The following SUSD4 variants were observed in gnomAD, a reference collection of about 807,000 sequenced individuals.
SUSD4 encodes sushi domain containing 4, also known as sushi domain-containing protein 4.
Under a neutral mutation model 50.5 loss-of-function variants are expected in SUSD4, and 41 were observed. The ratio of observed to expected loss-of-function variants is 0.81; its 90% CI spans 0.63 to 1.05. The LOEUF (loss-of-function observed/expected upper bound fraction) is 1.05. Ranked by LOEUF, SUSD4 falls within the 50% of genes least tolerant of loss-of-function variation. The probability of loss-of-function intolerance (pLI) is 0.00; values close to 1 mark genes in which losing one functional copy is unlikely to be tolerated. For missense variants in SUSD4, 580 were observed against 634.7 expected, an observed-to-expected ratio of 0.91 and a Z score of 0.93; for synonymous variants, 257 against 257.3, an observed-to-expected ratio of 1.00 and a Z score of 0.01.
At chr1:223,236,513 A>G (rs1337403226) in intron 5 of SUSD4, among the ~76,000 whole-genome samples, 1 of 150,926 alleles carries the variant, frequency 6.6e-6, no homozygotes, top group African/African-American at 2.4e-5. Context: ...ATTTTGAGTT[A>G]ATTTTATGGA....
At chr1:223,344,589 C>T (rs1158395513) in intron 2 of SUSD4, among the ~76,000 whole-genome samples, 1 of 152,038 alleles carries the variant, frequency 6.6e-6, no homozygotes, top group Non-Finnish European at 1.5e-5. Flanking sequence ...CTGCCAAGGA[C>T]AATGTTCGCT....
chr1:223,243,217 T>C (rs1660702642), intron 5 of SUSD4, among the ~76,000 whole-genome samples: 1 of 152,134 alleles, frequency 6.6e-6, no homozygotes, highest in South Asian at 2.1e-4. Flanking sequence ...AGAAGCTGCC[T>C]CGCTCCAGGG....
At chr1:223,252,437 GA>G (rs1249084493) in intron 5 of SUSD4, among the ~76,000 whole-genome samples, 1 of 151,606 alleles carries the variant, frequency 6.6e-6, no homozygotes, top group East Asian at 2.0e-4. Flanking sequence ...AGGGACAGTA[GA>G]GTCCCCCACA....
chr1:223,362,508 T>G (rs1669041467), intron 2 of SUSD4, among the ~76,000 whole-genome samples: 1 of 152,310 alleles, frequency 6.6e-6, no homozygotes, highest in East Asian at 1.9e-4. Context: ...TCCATCTGTC[T>G]TCCTCTACCA....
In SUSD4 at chr1:223,268,647, A is replaced by C. The variant is rs1358004054; in HGVS notation, c.390T>G (p.Ala130=). ...EDCRIPQIED[A]EIHNKTYRHG... is the part of the protein sequence containing the mutation. ...GTCTATATGTCTTGTTATGAATCTC[A>C]GCATCTTCGATTTGAGGGATACGGC... is the stretch of plus-strand genomic sequence containing the variant. Residue 130 remains alanine, a synonymous_variant, in exon 4 of 9, where the codon GCT becomes GCG. Coordinates refer to ENST00000366878, the MANE Select transcript of SUSD4 (RefSeq NM_017982.4). The C allele has an allele frequency of 1.2e-6, 2 of 1,612,444 alleles. No individual in the cohort carries two copies. The highest frequency in any genetic ancestry group is 8.5e-7 in the Non-Finnish European group (1 of 1,179,406).
In SUSD4 at chr1:223,226,047, T is replaced by C. The variant is rs918295197; in HGVS notation, c.1061+1547A>G. ...GGGTTTCAAGAACATTTTAAAAACA[T>C]CTTAATATTTAGTGGATATCCTGGA... is the stretch of plus-strand genomic sequence containing the variant. On this transcript the variant is annotated intron_variant, in intron 7 of 8. Coordinates refer to ENST00000366878, the MANE Select transcript of SUSD4 (RefSeq NM_017982.4). Among the ~76,000 whole-genome samples, 5 of 152,160 alleles carry C rather than the reference T, an allele frequency of 3.3e-5. No homozygotes were observed. In the East Asian group the frequency reaches 9.6e-4, roughly 29 times the overall value.
chr1:223,316,915 G>C (rs1052393113), intron 2 of SUSD4, among the ~76,000 whole-genome samples: 1 of 152,180 alleles, frequency 6.6e-6, no homozygotes, highest in East Asian at 1.9e-4. Flanking sequence ...GCACCTAGGA[G>C]AGGAGGGGGG....
chr1:223,359,146 G>C (rs999472062), intron 2 of SUSD4: 1 of 470,956 alleles, frequency 2.1e-6, no homozygotes, highest in African/African-American at 2.0e-5. Flanking sequence ...AGGAAGACAA[G>C]CCAAGCTCAG....
At chr1:223,329,968 G>A (rs1193794632) in intron 2 of SUSD4, among the ~76,000 whole-genome samples, 5 of 152,114 alleles carry the variant, frequency 3.3e-5, no homozygotes, top group Non-Finnish European at 2.9e-5. Flanking sequence ...ATGAACAAAC[G>A]GAAAGATGGA....
intron 5 of SUSD4, among the ~76,000 whole-genome samples, chr1:223,244,066 T>A (rs1454640076): frequency 1.3e-5 from 2 of 152,218 alleles, no homozygotes; most frequent in African/African-American, 2.4e-5. Context: ...TGTGGCTGGA[T>A]AGGCCTTCTC....
chr1:223,338,585 C>T (rs1667583043), intron 2 of SUSD4, among the ~76,000 whole-genome samples: 1 of 152,192 alleles, frequency 6.6e-6, no homozygotes, highest in South Asian at 2.1e-4. Flanking sequence ...GGGGCAATGC[C>T]AGAGGCAGAT....
intron 2 of SUSD4, among the ~76,000 whole-genome samples, chr1:223,351,493 G>T (rs111921471): frequency 1.3e-5 from 2 of 152,098 alleles, no homozygotes; most frequent in Admixed American, 1.3e-4. Flanking sequence ...CTAGTGCTCT[G>T]GGAGTTCTGA....
chr1:223,360,048 T>C (rs540832864), intron 2 of SUSD4, among the ~76,000 whole-genome samples: 7 of 152,282 alleles, frequency 4.6e-5, no homozygotes, highest in African/African-American at 1.7e-4. Context: ...GCCTACATGA[T>C]TTCCATCCTT....
intron 2 of SUSD4, among the ~76,000 whole-genome samples, chr1:223,314,417 T>C (rs777448877): frequency 4.6e-5 from 7 of 152,122 alleles, no homozygotes; most frequent in Non-Finnish European, 1.0e-4. Context: ...GGTAGGATGC[T>C]CGTTGGTGAG....
chr1:223,320,972 C>T (rs964633522), intron 2 of SUSD4, among the ~76,000 whole-genome samples: 9 of 152,336 alleles, frequency 5.9e-5, no homozygotes, highest in African/African-American at 1.9e-4. Context: ...TACCCTCATT[C>T]TAATAGCCTC....
chr1:223,279,104 A>T (rs1400379204), intron 3 of SUSD4, among the ~76,000 whole-genome samples: 1 of 152,226 alleles, frequency 6.6e-6, no homozygotes, highest in Non-Finnish European at 1.5e-5. Flanking sequence ...AAGGTAGATA[A>T]AACCACAAAG....
At chr1:223,330,857 T>C (rs1253435993) in intron 2 of SUSD4, among the ~76,000 whole-genome samples, 1 of 152,180 alleles carries the variant, frequency 6.6e-6, no homozygotes, top group East Asian at 1.9e-4. Flanking sequence ...TGTAGTCAGC[T>C]AGGGCCTCCA....
At chr1:223,238,965 T>C (rs1041915325) in intron 5 of SUSD4, among the ~76,000 whole-genome samples, 1 of 152,068 alleles carries the variant, frequency 6.6e-6, no homozygotes, top group Admixed American at 6.5e-5. Context: ...ATTTATCTAT[T>C]TCTCCCTGCA....
chr1:223,305,352 G>C (rs937205141), intron 2 of SUSD4, among the ~76,000 whole-genome samples: 1 of 152,126 alleles, frequency 6.6e-6, no homozygotes, highest in Non-Finnish European at 1.5e-5. Flanking sequence ...ATGAGACTAA[G>C]CAAAAGCAAA....
Sources: allele counts gnomAD v4.1 joint callset (sites outside exome capture counted in the v4.1 genomes callset), GRCh38; gene constraint gnomAD v4.1.1; transcripts MANE v1.5; gene names NCBI Gene and HGNC (gene_info 2026-07-23, HGNC 2026-07-21).